Variants in RAI1 observed in about 807,000 individuals in gnomAD.
The protein encoded by RAI1 is retinoic acid induced 1.
A neutral mutation model predicts 123.8 loss-of-function variants in RAI1; 9 were observed. The observed-to-expected ratio is 0.07, with a 90% CI of 0.04 to 0.13. The LOEUF is 0.13. Among genes scored for constraint, RAI1 ranks in the 10% least tolerant of loss-of-function variants. The pLI, the probability that RAI1 is intolerant of heterozygous loss-of-function variation, is 1.00. For synonymous variants in RAI1, 1,231 were observed against 1,127.3 expected, an observed-to-expected ratio of 1.09 and a Z score of -1.84; for missense variants, 2,256 against 2,545.8, an observed-to-expected ratio of 0.89 and a Z score of 2.45.
intron 2 of RAI1, among the ~76,000 whole-genome samples, chr17:17,767,086 C>A (rs908445404): frequency 6.6e-6 from 1 of 152,170 alleles, no homozygotes; most frequent in Non-Finnish European, 1.5e-5. Context: ...GCCCAGTCAA[C>A]TCCCAGCTCC....
Position 17,811,403 on chromosome 17 carries a change from GAAAAAA to G in RAI1, c.*1435_*1440del, listed in dbSNP as rs34061744. On this transcript the variant is annotated 3_prime_UTR_variant, in exon 6 of 6. Coordinates refer to ENST00000353383, the MANE Select transcript of RAI1 (RefSeq NM_030665.4). ...GAGTAAAAAACAGTCATTGCATTCA[GAAAAAA>G]AAAAAAAAAAAAGTCAATAAAGATA... 10 of 163,380 alleles carry G rather than the reference GAAAAAA, an allele frequency of 6.1e-5. No homozygotes were observed. The highest frequency in any genetic ancestry group is 3.3e-4 in the South Asian group (4 of 11,956). The allele number at this position is 163,380 out of a possible 1,614,324, so 10.1% of individuals were successfully genotyped here.
At chr17:17,807,640 G>A (rs930275484) in intron 4 of RAI1, among the ~76,000 whole-genome samples, 2 of 152,202 alleles carry the variant, frequency 1.3e-5, no homozygotes, top group South Asian at 2.1e-4. Flanking sequence ...AGTGACTCCC[G>A]CCCCGTGCCC....
intron 1 of RAI1, among the ~76,000 whole-genome samples, chr17:17,706,701 T>C (rs1476783769): frequency 6.6e-6 from 1 of 151,960 alleles, no homozygotes; most frequent in African/African-American, 2.4e-5. Context: ...GACATTGAAG[T>C]GAGAATCACC....
At chr17:17,780,082 T>TA (rs1555563208) in intron 2 of RAI1, among the ~76,000 whole-genome samples, 14 of 110,936 alleles carry the variant, frequency 1.3e-4, no homozygotes, top group East Asian at 2.8e-4. Flanking sequence ...GGCTTTTTTT[T>TA]AAGACAAGAG....
intron 2 of RAI1, among the ~76,000 whole-genome samples, chr17:17,765,086 C>T (rs1169789892): frequency 2.0e-5 from 3 of 152,204 alleles, no homozygotes; most frequent in Non-Finnish European, 2.9e-5. Context: ...GAGGCTGAGA[C>T]GGGAGGAGAG....
intron 3 of RAI1, chr17:17,802,315 T>A: frequency 2.6e-6 from 1 of 388,464 alleles, no homozygotes; most frequent in Non-Finnish European, 5.2e-6. Flanking sequence ...CCCTGGAGGG[T>A]GCAGGTCTCA....
chr17:17,752,392 C>A (rs1467486911), intron 2 of RAI1, among the ~76,000 whole-genome samples: 1 of 151,874 alleles, frequency 6.6e-6, no homozygotes, highest in Non-Finnish European at 1.5e-5. Context: ...GCCCCCGGGG[C>A]GAGGCTGGTC....
chr17:17,810,226 T>G lies in RAI1; in HGVS notation c.*245T>G, dbSNP rs2032707362. The stretch of plus-strand genomic sequence containing the variant: ...CGGAACCGGACGGCACAGGGCGTTC[T>G]TGCCCACCCCAGGGGCCAGGCTTGC... On this transcript the variant is annotated 3_prime_UTR_variant, in exon 6 of 6. Transcript: ENST00000353383. The surrounding 1 kb of genome is among the most constrained non-coding windows in gnomAD (Gnocchi z 4.6). 1 of 574,038 alleles carries G rather than the reference T, an allele frequency of 1.7e-6. No individual in the cohort carries two copies. The highest frequency in any genetic ancestry group is 3.0e-6 in the Non-Finnish European group (1 of 336,734). 35.6% of individuals were successfully genotyped at this position (574,038 alleles called of 1,614,324 possible).
In RAI1 at chr17:17,749,596, C is replaced by T. The variant is rs1006686301; in HGVS notation, c.-17+25437C>T. Among the ~76,000 whole-genome samples the T allele has an allele frequency of 2.6e-5, 4 of 152,196 alleles. No individual in the cohort carries two copies. The East Asian group carries it at 7.7e-4, about 29-fold the overall frequency. ...ATGGCTCACTTTCGCTTCATCTTCC[C>T]CCCCTCTTGGTACCAGGAAGTGGAC... On this transcript the variant is annotated intron_variant, in intron 2 of 5. Coordinates refer to ENST00000353383, the MANE Select transcript of RAI1 (RefSeq NM_030665.4).
intron 1 of RAI1, among the ~76,000 whole-genome samples, chr17:17,710,672 G>A (rs1915538542): frequency 6.6e-6 from 1 of 152,232 alleles, no homozygotes; most frequent in Non-Finnish European, 1.5e-5. Context: ...CCAAGGACTG[G>A]CCCCCTCCTC....
At chr17:17,693,747 T>C (rs1338462585) in intron 1 of RAI1, among the ~76,000 whole-genome samples, 1 of 152,092 alleles carries the variant, frequency 6.6e-6, no homozygotes, top group East Asian at 1.9e-4. Flanking sequence ...GGCTGCAGAT[T>C]GGCGGCTCAG....
intron 1 of RAI1, among the ~76,000 whole-genome samples, chr17:17,700,870 C>CGCT (rs935005191): frequency 1.3e-5 from 2 of 152,242 alleles, no homozygotes; most frequent in East Asian, 3.8e-4. Flanking sequence ...CCTTCGGGAC[C>CGCT]GCTGCTGCCA....
intron 2 of RAI1, among the ~76,000 whole-genome samples, chr17:17,730,704 C>T (rs1916240679): frequency 6.6e-6 from 1 of 152,186 alleles, no homozygotes; most frequent in Non-Finnish European, 1.5e-5. Flanking sequence ...GGGGAGCTCC[C>T]CTGCCCAAGT....
intron 2 of RAI1, among the ~76,000 whole-genome samples, chr17:17,739,502 C>T (rs1916546309): frequency 6.6e-6 from 1 of 152,218 alleles, no homozygotes; most frequent in South Asian, 2.1e-4. Context: ...AATCTGGCAG[C>T]CAGGGGTCAG....
intron 1 of RAI1, among the ~76,000 whole-genome samples, chr17:17,713,136 T>C (rs746336989): frequency 1.3e-5 from 2 of 152,132 alleles, no homozygotes; most frequent in Non-Finnish European, 2.9e-5. Flanking sequence ...GTGAATTTTA[T>C]AGTGAGTGAA....
At chr17:17,728,972 G>A (rs959812580) in intron 2 of RAI1, among the ~76,000 whole-genome samples, 1 of 152,206 alleles carries the variant, frequency 6.6e-6, no homozygotes, top group African/African-American at 2.4e-5. Flanking sequence ...GTTCCTTGCT[G>A]AGGTCCGAGC....
At chr17:17,730,479 C>T (rs775725008) in intron 2 of RAI1, among the ~76,000 whole-genome samples, 4 of 152,212 alleles carry the variant, frequency 2.6e-5, no homozygotes, top group Non-Finnish European at 5.9e-5. Flanking sequence ...CAGCCCATGG[C>T]GCCTGTTGCC....
At chr17:17,764,317 A>T (rs2030826520) in intron 2 of RAI1, among the ~76,000 whole-genome samples, 1 of 151,968 alleles carries the variant, frequency 6.6e-6, no homozygotes, top group African/African-American at 2.4e-5. Context: ...AACCAAACAC[A>T]CTCGGGTATA....
chr17:17,734,396 A>G (rs915631450), intron 2 of RAI1, among the ~76,000 whole-genome samples: 1 of 152,076 alleles, frequency 6.6e-6, no homozygotes, highest in Non-Finnish European at 1.5e-5. Context: ...ATGAGCCAAG[A>G]TTGTACCACT....
Sources: allele counts gnomAD v4.1 joint callset (sites outside exome capture counted in the v4.1 genomes callset), GRCh38; gene constraint gnomAD v4.1.1; non-coding constraint Gnocchi (gnomAD v3.1); transcripts MANE v1.5; gene names NCBI Gene and HGNC (gene_info 2026-07-23, HGNC 2026-07-21).